ADAM2: variants seen among roughly 807,000 people sequenced by gnomAD.
The protein encoded by ADAM2 is disintegrin and metalloproteinase domain-containing protein 2.
A neutral mutation model predicts 99.3 loss-of-function variants in ADAM2; 101 were observed. The observed-to-expected ratio is 1.02, with a 90% CI of 0.87 to 1.20. The LOEUF is 1.20. ADAM2 is among the 50% of genes most tolerant of loss of function. The pLI is 0.00. For missense variants in ADAM2, 948 were observed against 878.7 expected (o/e 1.08, Z -1.00); for synonymous variants, 323 against 287.6 (o/e 1.12, Z -1.25).
chr8:39,789,741 G>A (rs568885763), intron 7 of ADAM2, among the ~76,000 whole-genome samples: 2 of 148,814 alleles, frequency 1.3e-5, no homozygotes, highest in Non-Finnish European at 3.0e-5. Flanking sequence ...ACACCATCAA[G>A]AAAACAAAAA....
intron 7 of ADAM2, among the ~76,000 whole-genome samples, chr8:39,796,039 C>G (rs375545971): frequency 6.6e-6 from 1 of 151,878 alleles, no homozygotes; most frequent in Non-Finnish European, 1.5e-5. Flanking sequence ...AGTATATACA[C>G]TCATTATTAG....
At chr8:39,764,651 A>G (rs1297315331) in intron 14 of ADAM2, among the ~76,000 whole-genome samples, 2 of 152,054 alleles carry the variant, frequency 1.3e-5, no homozygotes, top group African/African-American at 4.8e-5. Context: ...AGCTGGTGCT[A>G]TTAGTGTTGG....
At chr8:39,795,586 A>C (rs1803903830) in intron 7 of ADAM2, among the ~76,000 whole-genome samples, 1 of 152,160 alleles carries the variant, frequency 6.6e-6, no homozygotes. Flanking sequence ...CTGCCCTTCC[A>C]GACTGAACCA....
chr8:39,800,147 T>G (rs1448073593), intron 7 of ADAM2, among the ~76,000 whole-genome samples: 1 of 152,230 alleles, frequency 6.6e-6, no homozygotes, highest in Non-Finnish European at 1.5e-5. Context: ...TGGTGCGTTT[T>G]TGCAGTGGCT....
At chr8:39,816,081 A>C (rs1804927276) in intron 6 of ADAM2, among the ~76,000 whole-genome samples, 1 of 152,074 alleles carries the variant, frequency 6.6e-6, no homozygotes, top group Non-Finnish European at 1.5e-5. Context: ...GAATCACCTG[A>C]GGTCAGGAGT....
At chr8:39,766,578 T>C (rs1333102959) in intron 14 of ADAM2, among the ~76,000 whole-genome samples, 1 of 152,070 alleles carries the variant, frequency 6.6e-6, no homozygotes, top group Non-Finnish European at 1.5e-5. Flanking sequence ...CGGCTAATTT[T>C]TGTATTTTTA....
chr8:39,774,170 C>A (rs1802895619), intron 11 of ADAM2, among the ~76,000 whole-genome samples: 1 of 151,922 alleles, frequency 6.6e-6, no homozygotes, highest in Non-Finnish European at 1.5e-5. Flanking sequence ...AAAGCTTTCT[C>A]AATCTGATTA....
intron 2 of ADAM2, among the ~76,000 whole-genome samples, chr8:39,836,362 G>C (rs1805822973): frequency 6.6e-6 from 1 of 151,854 alleles, no homozygotes; most frequent in Non-Finnish European, 1.5e-5. Context: ...ATTGTTAAAA[G>C]CCTCACTGCT....
chr8:39,782,144 G>T (rs1189434941), intron 10 of ADAM2, among the ~76,000 whole-genome samples: 1 of 152,092 alleles, frequency 6.6e-6, no homozygotes, highest in African/African-American at 2.4e-5. Context: ...ATCTTAGAAT[G>T]GGCAAACATT....
chr8:39,820,990 T>A lies in ADAM2; in HGVS notation c.513+12A>T. On this transcript the variant is annotated intron_variant, in intron 6 of 20. Coordinates refer to ENST00000265708, the MANE Select transcript of ADAM2 (RefSeq NM_001464.5). ...AGTAATAACCATAGAGTTTGTTCAATTAATCACCTACCTCTACGCTTTGTA... is the reference window on the plus strand; with the variant it reads ...AGTAATAACCATAGAGTTTGTTCAAATAATCACCTACCTCTACGCTTTGTA... The A allele has an allele frequency of 6.5e-7, 1 of 1,542,042 alleles. No homozygotes were observed. The highest frequency in any genetic ancestry group is 8.8e-7 in the Non-Finnish European group (1 of 1,135,138).
At chr8:39,783,045 A>G (rs773427782) in intron 10 of ADAM2, among the ~76,000 whole-genome samples, 7 of 152,098 alleles carry the variant, frequency 4.6e-5, no homozygotes, top group Non-Finnish European at 1.0e-4. Context: ...TTGGGATCCC[A>G]TAAGTTTAGA....
intron 3 of ADAM2, among the ~76,000 whole-genome samples, chr8:39,828,937 G>A (rs974112440): frequency 1.3e-5 from 2 of 151,720 alleles, no homozygotes; most frequent in African/African-American, 4.8e-5. Context: ...TAGACAAATA[G>A]ACCAAAAAGT....
intron 7 of ADAM2, among the ~76,000 whole-genome samples, chr8:39,802,430 C>A (rs889163384): frequency 6.6e-6 from 1 of 152,084 alleles, no homozygotes; most frequent in Non-Finnish European, 1.5e-5. Context: ...CCATCTTGGC[C>A]CCCCCACCTC....
In ADAM2 at chr8:39,757,972, CATA is replaced by C. The variant is rs147871273; in HGVS notation, c.1614-2064_1614-2062del. ...TCAATGATGAAAAGGAAAATATAGT[CATA>C]ATAGCTAGAATTTTCTTTCAGTAAG... On this transcript the variant is annotated intron_variant, in intron 15 of 20. Transcript: ENST00000265708. Among the ~76,000 whole-genome samples the C allele has an allele frequency of 1.5e-4, 23 of 152,158 alleles. 1 individual carries two copies. In the East Asian group the frequency reaches 4.1e-3, roughly 27 times the overall value.
chr8:39,779,321 A>G (rs1803127141), intron 10 of ADAM2, among the ~76,000 whole-genome samples: 1 of 151,938 alleles, frequency 6.6e-6, no homozygotes, highest in Non-Finnish European at 1.5e-5. Flanking sequence ...GCGCATGGAG[A>G]GCCTTATCTC....
chr8:39,760,913 T>TAAAAAAAAAAAAAAAAAAAAAAAAAAAA (rs1802341281), intron 15 of ADAM2, among the ~76,000 whole-genome samples: 2 of 104,550 alleles, frequency 1.9e-5, no homozygotes, highest in African/African-American at 8.1e-5. Context: ...AAAAAAAAAT[T>TAAAAAAAAAAAAAAAAAAAAAAAAAAAA]AAAGTAATAG....
chr8:39,825,516 G>C (rs566097008), intron 3 of ADAM2, among the ~76,000 whole-genome samples: 1 of 151,836 alleles, frequency 6.6e-6, no homozygotes, highest in East Asian at 1.9e-4. Flanking sequence ...AATCTCAGAA[G>C]ATCAGAGCAT....
chr8:39,834,445 TG>T (rs147537515), intron 2 of ADAM2, among the ~76,000 whole-genome samples: 4,679 of 152,180 alleles, frequency 0.031, 169 homozygotes, highest in African/African-American at 0.084. Flanking sequence ...ATCCTTGTCT[TG>T]TACCACATCT....
chr8:39,809,320 A>G (rs1159349116), intron 7 of ADAM2, 90 bp downstream of exon 7: 13 of 663,906 alleles, frequency 2.0e-5, no homozygotes, highest in South Asian at 1.7e-4. Context: ...AAAATTATCA[A>G]TTCTTTTCTG....
Sources: allele counts gnomAD v4.1 joint callset (sites outside exome capture counted in the v4.1 genomes callset), GRCh38; gene constraint gnomAD v4.1.1; transcripts MANE v1.5; gene names NCBI Gene and HGNC (gene_info 2026-07-23, HGNC 2026-07-21).